The following MYO5B variants were observed in gnomAD, a reference collection of about 807,000 sequenced individuals.
The protein encoded by MYO5B is unconventional myosin-Vb.
MYO5B carries 143 observed loss-of-function variants against 229.3 expected under a neutral mutation model. That is an observed-to-expected ratio of 0.62 (90% CI 0.54 to 0.72). The LOEUF (loss-of-function observed/expected upper bound fraction) is 0.72, where lower values mean the gene tolerates loss of function less well. Ranked by LOEUF, MYO5B falls within the 30% of genes least tolerant of loss-of-function variation. The pLI, the probability that MYO5B is intolerant of heterozygous loss-of-function variation, is 0.00. For synonymous variants in MYO5B, 918 were observed against 885.2 expected (o/e 1.04, Z -0.66); for missense variants, 2,321 against 2,331.0 (o/e 1.00, Z 0.09).
chr18:49,879,287 G>T (rs1218901649), intron 23 of MYO5B, 197 bp from the exon 24 acceptor site: 1 of 645,648 alleles, frequency 1.5e-6, no homozygotes, highest in Non-Finnish European at 2.7e-6. Flanking sequence ...TTCAGAGAGG[G>T]AGAGAAAGAC....
intron 1 of MYO5B, among the ~76,000 whole-genome samples, chr18:50,134,293 C>T (rs577371932): frequency 2.0e-5 from 3 of 151,858 alleles, no homozygotes; most frequent in Admixed American, 6.6e-5. Flanking sequence ...CGGTGGCTCA[C>T]GCCTGTAATC....
At chr18:49,874,325 G>T (rs748736052) in intron 26 of MYO5B, among the ~76,000 whole-genome samples, 2 of 152,240 alleles carry the variant, frequency 1.3e-5, no homozygotes, top group Non-Finnish European at 2.9e-5. Context: ...CCTGGAGAAT[G>T]AATCTTTAGG....
intron 1 of MYO5B, among the ~76,000 whole-genome samples, chr18:50,088,279 A>C (rs889401721): frequency 6.6e-6 from 1 of 152,180 alleles, no homozygotes; most frequent in African/African-American, 2.4e-5. Context: ...GAGGCTACTG[A>C]AAGTTTCCGA....
rs200548362 is a variant in MYO5B, at chr18:49,937,364, T to C, written c.1786A>G (p.Lys596Glu). ...GGGGTGGTGGCAGGAACAGGGTCCT[T>C]GTCATCATGAAACAAGTCAGCCACT... ...PLVADLFHDD[K>E]DPVPATTPGK... Residue 596 changes from lysine to glutamate, a missense_variant, in exon 15 of 40, where the codon AAG (lysine) becomes GAG (glutamate). Physicochemically the swap from Lys to Glu is moderately conservative, Grantham distance 56. This residue lies in a region of MYO5B where 2,113 missense variants were observed against 2,044.7 expected (regional missense o/e 1.03). Transcript: ENST00000285039. The C allele has an allele frequency of 3.3e-4, 528 of 1,614,116 alleles. 1 individual carries two copies. Among genetic ancestry groups the C allele is most frequent in the Middle Eastern group, 1.6e-4 (1 of 6,062 alleles).
chr18:50,030,954 C>T (rs1355755221), intron 4 of MYO5B, among the ~76,000 whole-genome samples: 1 of 121,410 alleles, frequency 8.2e-6, no homozygotes, highest in Non-Finnish European at 1.7e-5. Context: ...AGCAATCAGA[C>T]ACCGCCAGCC....
intron 14 of MYO5B, among the ~76,000 whole-genome samples, chr18:49,950,112 C>T (rs567970040): frequency 1.3e-5 from 2 of 152,268 alleles, no homozygotes; most frequent in African/African-American, 4.8e-5. Context: ...AGGAGGGGCT[C>T]AGGGTAGAGA....
intron 1 of MYO5B, among the ~76,000 whole-genome samples, chr18:50,096,307 A>T (rs1286385514): frequency 6.6e-6 from 1 of 152,064 alleles, no homozygotes; most frequent in Non-Finnish European, 1.5e-5. Flanking sequence ...GCCATCCCCA[A>T]ATCCTTTCAA....
intron 5 of MYO5B, among the ~76,000 whole-genome samples, chr18:49,999,550 G>A (rs1598941986): frequency 6.6e-6 from 1 of 152,324 alleles, no homozygotes; most frequent in East Asian, 1.9e-4. Flanking sequence ...TGAATGATAT[G>A]GGGACAAGGC....
At chr18:49,888,072 G>T (rs2024665150) in intron 22 of MYO5B, among the ~76,000 whole-genome samples, 1 of 152,084 alleles carries the variant, frequency 6.6e-6, no homozygotes, top group Non-Finnish European at 1.5e-5. Flanking sequence ...TGAGGGACAG[G>T]TGCATACATA....
chr18:49,886,895 GC>G (rs1293446305), intron 22 of MYO5B, among the ~76,000 whole-genome samples: 1 of 152,190 alleles, frequency 6.6e-6, no homozygotes, highest in Non-Finnish European at 1.5e-5. Flanking sequence ...CAGGAGCCTT[GC>G]CAGGGCTGGG....
chr18:50,185,012 C>T (rs2033128478), intron 1 of MYO5B, among the ~76,000 whole-genome samples: 1 of 151,812 alleles, frequency 6.6e-6, no homozygotes, highest in South Asian at 2.1e-4. Context: ...GAGATTGAGG[C>T]TGTAGTGAGC....
chr18:50,001,495 G>A, intron 4 of MYO5B, 84 bp from the exon 5 acceptor site: 2 of 1,497,760 alleles, frequency 1.3e-6, no homozygotes, highest in Non-Finnish European at 9.3e-7. Context: ...AAGGGCCTGA[G>A]CCTCACTGGG....
intron 1 of MYO5B, among the ~76,000 whole-genome samples, chr18:50,090,123 T>G (rs902303552): frequency 4.6e-5 from 7 of 152,118 alleles, no homozygotes; most frequent in Non-Finnish European, 2.9e-5. Flanking sequence ...TATTAAATTA[T>G]CCACTCCTTA....
At chr18:50,038,546 G>A (rs556154432) in intron 3 of MYO5B, among the ~76,000 whole-genome samples, 4 of 152,264 alleles carry the variant, frequency 2.6e-5, no homozygotes, top group South Asian at 4.1e-4. Flanking sequence ...TGTTATTAGA[G>A]TTCTATAAGA....
intron 2 of MYO5B, among the ~76,000 whole-genome samples, chr18:50,043,645 T>G (rs2030134593): frequency 1.5e-5 from 2 of 136,416 alleles, no homozygotes; most frequent in Admixed American, 8.1e-5. Flanking sequence ...TTAAATATAT[T>G]TATAAATATG....
intron 2 of MYO5B, among the ~76,000 whole-genome samples, chr18:50,042,814 G>A (rs572014941): frequency 5.9e-5 from 9 of 152,240 alleles, no homozygotes; most frequent in Non-Finnish European, 8.8e-5. Context: ...CACAGGGACC[G>A]CCAGGTGCAG....
intron 38 of MYO5B, among the ~76,000 whole-genome samples, 156 bp downstream of exon 38, chr18:49,836,555 G>T (rs921761761): frequency 6.6e-6 from 1 of 152,106 alleles, no homozygotes; most frequent in African/African-American, 2.4e-5. Flanking sequence ...GTTCATCTAG[G>T]AATATCCCAT....
rs149697050 is a variant in MYO5B, at chr18:50,105,204, AAAATAAATAAAT to A, written c.28-49838_28-49827del. Among the ~76,000 whole-genome samples the A allele has an allele frequency of 9.3e-3, 1,287 of 139,094 alleles. 17 individuals carry two copies. Among genetic ancestry groups the A allele is most frequent in the African/African-American group, 0.031 (1,133 of 36,810 alleles). 91.3% of individuals were successfully genotyped at this position (139,094 alleles called of 152,430 possible). On this transcript the variant is annotated intron_variant, in intron 1 of 39. Coordinates refer to ENST00000285039, the MANE Select transcript of MYO5B (RefSeq NM_001080467.3). Reference sequence around the variant, plus strand: ...GTAAGCAAGAGGTCAAGGCATGGTAAAAATAAATAAATAAATAAATAAATAAATAAATAAATA... The same window carrying A: ...GTAAGCAAGAGGTCAAGGCATGGTAAAAATAAATAAATAAATAAATAAATA...
rs961137283 is a variant in MYO5B at position 49,882,359 on chromosome 18, G to A, written c.3046-1904C>T. Among the ~76,000 whole-genome samples, 83 of 118,846 alleles carry A rather than the reference G, an allele frequency of 7.0e-4. 1 individual carries two copies. Among genetic ancestry groups the A allele is most frequent in the African/African-American group, 2.5e-3 (81 of 31,962 alleles). 78.0% of individuals were successfully genotyped at this position (118,846 alleles called of 152,430 possible). ...ATGGAAACCCGGCCAGGTACCGTGC[G>A]TGGCTCACACCTGCAATCCCAGCAT... is the stretch of plus-strand genomic sequence containing the variant. On this transcript the variant is annotated intron_variant, in intron 22 of 39. Coordinates refer to ENST00000285039, the MANE Select transcript of MYO5B (RefSeq NM_001080467.3).
Sources: gnomAD v4.1 joint callset for allele counts (sites outside exome capture counted in the v4.1 genomes callset) on GRCh38, gnomAD v4.1.1 for gene constraint, gnomAD v4.1.1 regional missense constraint, MANE v1.5 for transcripts, NCBI Gene and HGNC (gene_info 2026-07-23, HGNC 2026-07-21) for gene names.